Variants in MBP observed in about 807,000 individuals in gnomAD.
MBP encodes the protein myelin basic protein, also known as Golli-MBP.
A neutral mutation model predicts 35.8 loss-of-function variants in MBP; 16 were observed. The ratio of observed to expected loss-of-function variants is 0.45; its 90% CI spans 0.30 to 0.68. The LOEUF is 0.68. Among genes scored for constraint, MBP ranks in the 30% least tolerant of loss-of-function variants. MBP has a pLI of 0.08. For missense variants in MBP, 380 were observed against 404.7 expected, an observed-to-expected ratio of 0.94 and a Z score of 0.52; for synonymous variants, 143 against 159.6, an observed-to-expected ratio of 0.90 and a Z score of 0.78.
chr18:77,079,169 C>T (rs990849280), intron 2 of MBP, among the ~76,000 whole-genome samples: 2 of 152,300 alleles, frequency 1.3e-5, no homozygotes, highest in African/African-American at 2.4e-5. Context: ...AAGGGTCTTT[C>T]GGACCAGGGG....
chr18:77,038,741 A>T (rs1168019255), intron 3 of MBP, among the ~76,000 whole-genome samples: 1 of 152,242 alleles, frequency 6.6e-6, no homozygotes, highest in East Asian at 1.9e-4. Flanking sequence ...GTACACATGT[A>T]CGCATATCAC....
intron 1 of MBP, among the ~76,000 whole-genome samples, chr18:77,119,389 G>GCACAGTC (rs1976818882): frequency 6.6e-6 from 1 of 152,134 alleles, no homozygotes; most frequent in Non-Finnish European, 1.5e-5. Flanking sequence ...CCAGGACCTA[G>GCACAGTC]CACAGTCCAC....
chr18:77,042,032 C>T (rs886372788), intron 3 of MBP, among the ~76,000 whole-genome samples: 1 of 152,118 alleles, frequency 6.6e-6, no homozygotes, highest in Non-Finnish European at 1.5e-5. Context: ...AAGAGGCGCA[C>T]TTTCTAGTCA....
Position 77,101,383 on chromosome 18 carries a change from G to A in MBP, c.51+3828C>T, listed in dbSNP as rs1976000392. On this transcript the variant is annotated intron_variant, in intron 2 of 8. Coordinates refer to ENST00000355994, the MANE Select transcript of MBP (RefSeq NM_001025101.2). This position sits in a 1 kb window ranked among gnomAD's most constrained non-coding sequence, Gnocchi z 4.3. ...TTTCCCTGCAACTTAAAAAACACAG[G>A]GAGTCAAAGGCAGAACAGGAGTTTC... 6.6e-6 allele frequency among the ~76,000 whole-genome samples: 1 copy of A among 152,192 alleles called. No individual in the cohort carries two copies. The highest frequency in any genetic ancestry group is 2.4e-5 in the African/African-American group (1 of 41,440).
chr18:77,015,491 A>G, intron 4 of MBP: 1 of 985,478 alleles, frequency 1.0e-6, no homozygotes, highest in Non-Finnish European at 1.2e-6. Flanking sequence ...GAGGACTGCT[A>G]CAAAGGAAAA....
chr18:77,132,254 C>T (rs1219089905), intron 1 of MBP, among the ~76,000 whole-genome samples: 1 of 151,956 alleles, frequency 6.6e-6, no homozygotes, highest in African/African-American at 2.4e-5. Context: ...CAGGGTCGGG[C>T]CCCGGCGCTG....
chr18:77,015,352 T>C, intron 4 of MBP: 1 of 985,424 alleles, frequency 1.0e-6, no homozygotes. Context: ...GCTTACATAA[T>C]AGCAACGCTT....
intron 1 of MBP, chr18:77,112,697 G>C (rs1176378540): frequency 1.3e-5 from 2 of 152,416 alleles, no homozygotes; most frequent in Non-Finnish European, 2.9e-5. Flanking sequence ...CATGTGTGTG[G>C]AGAACGCCTA....
intron 3 of MBP, among the ~76,000 whole-genome samples, chr18:77,028,753 T>TCC (rs1278797889): frequency 2.5e-5 from 2 of 78,480 alleles, no homozygotes; most frequent in Non-Finnish European, 3.1e-5. Context: ...GGGGGGCTGA[T>TCC]CCCCCCACCT....
In MBP at chr18:77,131,079, GCACGCGCACACACACACA is replaced by G. The variant is rs1277897048; in HGVS notation, c.-26+1483_-26+1500del. Among the ~76,000 whole-genome samples, 7 of 39,082 alleles carry G rather than the reference GCACGCGCACACACACACA, an allele frequency of 1.8e-4. No homozygotes were observed. Among genetic ancestry groups the G allele is most frequent in the Non-Finnish European group, 7.0e-4 (7 of 10,018 alleles). The allele number at this position is 39,082 out of a possible 152,430, so 25.6% of individuals were successfully genotyped here. A position where few individuals can be genotyped will look rare whatever the true frequency, so the allele number is the denominator to read the frequency against. ...AAACAAAACACACACACGCGCGCAC[GCACGCGCACACACACACA>G]CACACACACACACACACACACACCC... is the stretch of plus-strand genomic sequence containing the variant. On this transcript the variant is annotated intron_variant, in intron 1 of 8. Coordinates refer to ENST00000355994, the MANE Select transcript of MBP (RefSeq NM_001025101.2). This position sits in a 1 kb window ranked among gnomAD's most constrained non-coding sequence, Gnocchi z 5.5.
At chr18:77,107,717 G>C (rs1432978864) in intron 1 of MBP, among the ~76,000 whole-genome samples, 1 of 152,158 alleles carries the variant, frequency 6.6e-6, no homozygotes, top group Non-Finnish European at 1.5e-5. Flanking sequence ...TTACGCTTGG[G>C]ATGATTGATC....
At chr18:77,055,761 G>A (rs1482931293) in intron 3 of MBP, among the ~76,000 whole-genome samples, 2 of 152,144 alleles carry the variant, frequency 1.3e-5, no homozygotes, top group Non-Finnish European at 2.9e-5. Flanking sequence ...CCTCATTACA[G>A]ACAGTGAGGT....
intron 4 of MBP, 60 bp from the exon 5 acceptor site, chr18:76,990,120 C>T: frequency 9.2e-7 from 1 of 1,091,212 alleles, no homozygotes; most frequent in South Asian, 1.5e-5. Context: ...GCTTGTCCTC[C>T]TCAGGGAAGC....
Position 76,989,706 on chromosome 18 carries a change from A to C in MBP, c.681+250T>G, listed in dbSNP as rs1969780005. ...TAGGCTAAGCGTTACATGGGAGCCT[A>C]ATCTCAAGAGAAGTGAGCTCTCTGG... On this transcript the variant is annotated intron_variant, in intron 5 of 8. Transcript: ENST00000355994. The surrounding 1 kb of genome is among the most constrained non-coding windows in gnomAD (Gnocchi z 4.0). 1 of 468,320 alleles carries C rather than the reference A, an allele frequency of 2.1e-6. No homozygotes were observed. Among genetic ancestry groups the C allele is most frequent in the Non-Finnish European group, 3.9e-6 (1 of 259,642 alleles). 29.0% of individuals were successfully genotyped at this position (468,320 alleles called of 1,614,324 possible).
chr18:77,121,271 C>T (rs1028221116), intron 1 of MBP, among the ~76,000 whole-genome samples: 4 of 151,302 alleles, frequency 2.6e-5, no homozygotes, highest in Non-Finnish European at 4.4e-5. Flanking sequence ...GATCACACCA[C>T]TGCACTCCAG....
chr18:77,116,586 C>T (rs374492100), intron 1 of MBP, among the ~76,000 whole-genome samples: 9 of 152,178 alleles, frequency 5.9e-5, no homozygotes, highest in East Asian at 3.8e-4. Context: ...TACAAGGAGG[C>T]AAGTGCTATT....
rs745484390 is a variant in MBP at position 76,988,351 on chromosome 18, C to T, written c.750+144G>A. 1 of 1,607,450 alleles carries T rather than the reference C, an allele frequency of 6.2e-7. No homozygotes were observed. The highest frequency in any genetic ancestry group is 8.5e-7 in the Non-Finnish European group (1 of 1,176,772). On this transcript the variant is annotated intron_variant, in intron 7 of 8. Coordinates refer to ENST00000355994, the MANE Select transcript of MBP (RefSeq NM_001025101.2). This position sits in a 1 kb window ranked among gnomAD's most constrained non-coding sequence, Gnocchi z 5.2. ...TTTCCCCAGTGGAAGACAAGGCGGC[C>T]CGATCCCAGCTGTGGGCAGAGAGGT...
intron 2 of MBP, chr18:77,095,417 T>C (rs1031503823): frequency 1.3e-5 from 2 of 152,252 alleles, no homozygotes; most frequent in African/African-American, 4.8e-5. Flanking sequence ...GCCAGCACAC[T>C]GCAGTCAGAT....
At chr18:76,993,458 G>A (rs1409899200) in intron 4 of MBP, among the ~76,000 whole-genome samples, 1 of 150,740 alleles carries the variant, frequency 6.6e-6, no homozygotes, top group Admixed American at 6.7e-5. Context: ...GCTGAGGCAG[G>A]AGAATTGCTT....
Sources: allele counts gnomAD v4.1 joint callset (sites outside exome capture counted in the v4.1 genomes callset), GRCh38; gene constraint gnomAD v4.1.1; non-coding constraint Gnocchi (gnomAD v3.1); transcripts MANE v1.5; gene names NCBI Gene and HGNC (gene_info 2026-07-23, HGNC 2026-07-21).